TNFRSF19: variants seen among roughly 807,000 people sequenced by gnomAD.
The protein encoded by TNFRSF19 is tumor necrosis factor receptor superfamily member 19.
In TNFRSF19, 27 loss-of-function variants were observed where a neutral mutation model predicts 46.4. That is an observed-to-expected ratio of 0.58 (90% CI 0.43 to 0.80). The LOEUF (loss-of-function observed/expected upper bound fraction) is 0.80. TNFRSF19 is among the 30% of genes least tolerant of loss of function. The probability of loss-of-function intolerance (pLI) is 0.00; values close to 1 mark genes in which losing one functional copy is unlikely to be tolerated. For synonymous variants in TNFRSF19, 204 were observed against 205.0 expected (o/e 1.00, Z 0.04); for missense variants, 511 against 530.8 (o/e 0.96, Z 0.37).
chr13:23,611,126 GCACA>G (rs34837771), intron 3 of TNFRSF19, among the ~76,000 whole-genome samples: 11,770 of 147,714 alleles, frequency 0.08, 648 homozygotes, highest in East Asian at 0.29. Context: ...ACACACATGT[GCACA>G]CACACACACA....
intron 5 of TNFRSF19, among the ~76,000 whole-genome samples, chr13:23,647,227 G>A (rs1457583361): frequency 5.3e-5 from 8 of 151,948 alleles, no homozygotes; most frequent in Admixed American, 5.2e-4. Flanking sequence ...CTGCTCTGTG[G>A]GCTGTCATTT....
chr13:23,652,328 G>A (rs1883702616), intron 5 of TNFRSF19, among the ~76,000 whole-genome samples: 1 of 152,112 alleles, frequency 6.6e-6, no homozygotes, highest in Non-Finnish European at 1.5e-5. Flanking sequence ...CCTGAAATTG[G>A]TACCAAAGCA....
At chr13:23,665,147 G>A (rs1448601104) in intron 7 of TNFRSF19, among the ~76,000 whole-genome samples, 1 of 151,984 alleles carries the variant, frequency 6.6e-6, no homozygotes, top group Non-Finnish European at 1.5e-5. Context: ...ACTATTAATG[G>A]TAACTGTGTG....
intron 7 of TNFRSF19, among the ~76,000 whole-genome samples, chr13:23,661,200 C>T (rs184706847): frequency 1.4e-3 from 220 of 152,316 alleles, no homozygotes; most frequent in South Asian, 2.7e-3. Context: ...TCCCACACTC[C>T]ACCCTCAAGT....
intron 3 of TNFRSF19, among the ~76,000 whole-genome samples, chr13:23,606,055 C>A (rs1227682910): frequency 6.6e-6 from 1 of 152,068 alleles, no homozygotes; most frequent in Non-Finnish European, 1.5e-5. Context: ...GAGGGCGGGG[C>A]ATGTAAGGAC....
intron 9 of TNFRSF19, among the ~76,000 whole-genome samples, chr13:23,669,979 C>T (rs901397345): frequency 6.6e-6 from 1 of 152,190 alleles, no homozygotes; most frequent in Non-Finnish European, 1.5e-5. Context: ...GGTTGCTGCT[C>T]TCACTGCCTG....
chr13:23,588,506 A>G (rs114107259), intron 1 of TNFRSF19, among the ~76,000 whole-genome samples: 40 of 152,298 alleles, frequency 2.6e-4, no homozygotes, highest in African/African-American at 9.6e-4. Flanking sequence ...TTGCTCGAAT[A>G]TGGTATGTAC....
At chr13:23,577,766 G>C (rs1005639812) in intron 1 of TNFRSF19, among the ~76,000 whole-genome samples, 1 of 152,196 alleles carries the variant, frequency 6.6e-6, no homozygotes, top group Admixed American at 6.5e-5. Flanking sequence ...CCAGAGGCGA[G>C]GCAAGGCTGG....
At chr13:23,598,982 C>T (rs953571949) in intron 3 of TNFRSF19, among the ~76,000 whole-genome samples, 7 of 152,194 alleles carry the variant, frequency 4.6e-5, no homozygotes, top group African/African-American at 1.7e-4. Context: ...GATCTATAAA[C>T]AGCAGGAAAC....
At chr13:23,608,909 C>T (rs1270050885) in intron 3 of TNFRSF19, among the ~76,000 whole-genome samples, 1 of 152,180 alleles carries the variant, frequency 6.6e-6, no homozygotes, top group African/African-American at 2.4e-5. Context: ...CTCTGAGCTA[C>T]GCTCGACCTT....
intron 5 of TNFRSF19, among the ~76,000 whole-genome samples, chr13:23,629,259 G>A (rs989917374): frequency 2.0e-5 from 3 of 152,202 alleles, no homozygotes; most frequent in Admixed American, 2.0e-4. Context: ...GGAGAGGCAA[G>A]AACTCTCTGG....
At chr13:23,615,415 C>T (rs1333855299) in intron 3 of TNFRSF19, among the ~76,000 whole-genome samples, 2 of 152,204 alleles carry the variant, frequency 1.3e-5, no homozygotes, top group Non-Finnish European at 2.9e-5. Flanking sequence ...CTAGGCTTGT[C>T]CGCTAATGAA....
chr13:23,590,693 T>G (rs962957703), intron 2 of TNFRSF19, among the ~76,000 whole-genome samples: 1 of 152,276 alleles, frequency 6.6e-6, no homozygotes, highest in Non-Finnish European at 1.5e-5. Context: ...AAATGGCATT[T>G]TATTATTTTT....
chr13:23,589,476 C>A (rs559863524), intron 1 of TNFRSF19, among the ~76,000 whole-genome samples: 1 of 152,174 alleles, frequency 6.6e-6, no homozygotes. Flanking sequence ...TTAGTGAAGA[C>A]GAAGTTGTCA....
chr13:23,675,050 A>G lies in TNFRSF19; in HGVS notation c.*1670A>G, dbSNP rs1951809524. 1.3e-5 allele frequency: 2 copies of G among 152,192 alleles called. No homozygotes were observed. Among genetic ancestry groups the G allele is most frequent in the African/African-American group, 4.8e-5 (2 of 41,444 alleles). The allele number at this position is 152,192 out of a possible 1,614,324, so 9.4% of individuals were successfully genotyped here. Reference sequence around the variant, plus strand: ...TCATGTCAACCTAGTGCCTAGTCATAATTAATTGACTTTTCCTGTATTACT... The same window carrying G: ...TCATGTCAACCTAGTGCCTAGTCATGATTAATTGACTTTTCCTGTATTACT... On this transcript the variant is annotated 3_prime_UTR_variant, in exon 10 of 10. Transcript: ENST00000248484.
chr13:23,607,085 T>C (rs1880559003), intron 3 of TNFRSF19, among the ~76,000 whole-genome samples: 1 of 151,870 alleles, frequency 6.6e-6, no homozygotes, highest in African/African-American at 2.4e-5. Context: ...AGCTTTAAAT[T>C]TTTTTTCAGA....
At chr13:23,652,961 T>C (rs568755684) in intron 5 of TNFRSF19, among the ~76,000 whole-genome samples, 2 of 152,352 alleles carry the variant, frequency 1.3e-5, no homozygotes, top group African/African-American at 4.8e-5. Flanking sequence ...GGATAAATAC[T>C]AAGCTGCTGT....
At chr13:23,649,528 A>G (rs1180148402) in intron 5 of TNFRSF19, among the ~76,000 whole-genome samples, 2 of 149,920 alleles carry the variant, frequency 1.3e-5, no homozygotes, top group African/African-American at 4.9e-5. Context: ...TTCTTCCATT[A>G]TTTTCCTATT....
intron 8 of TNFRSF19, 22 bp from the exon 9 acceptor site, chr13:23,668,670 G>T (rs752181636): frequency 1.1e-4 from 173 of 1,589,362 alleles, no homozygotes; most frequent in Non-Finnish European, 1.4e-4. Context: ...AAAACTTTAA[G>T]TTCTTTTGAA....
Sources: allele counts gnomAD v4.1 joint callset (sites outside exome capture counted in the v4.1 genomes callset), GRCh38; gene constraint gnomAD v4.1.1; transcripts MANE v1.5; gene names NCBI Gene and HGNC (gene_info 2026-07-23, HGNC 2026-07-21).